The following PCDHGA2 variants were observed in gnomAD, a reference collection of about 807,000 sequenced individuals.
The protein encoded by PCDHGA2 is protocadherin gamma subfamily A, 2, also known as protocadherin gamma-A2.
A neutral mutation model predicts 59.2 loss-of-function variants in PCDHGA2; 40 were observed. The observed-to-expected ratio is 0.68, with a 90% CI of 0.52 to 0.88. The LOEUF (loss-of-function observed/expected upper bound fraction) is 0.88. PCDHGA2 is among the 40% of genes least tolerant of loss of function. The pLI, the probability that PCDHGA2 is intolerant of heterozygous loss-of-function variation, is 0.00. For synonymous variants in PCDHGA2, 560 were observed against 526.0 expected, an observed-to-expected ratio of 1.06 and a Z score of -0.89; for missense variants, 1,226 against 1,204.0, an observed-to-expected ratio of 1.02 and a Z score of -0.27.
intron 1 of PCDHGA2, chr5:141,341,717 A>T (rs952386254): frequency 4.3e-5 from 21 of 483,170 alleles, no homozygotes; most frequent in Non-Finnish European, 6.8e-5. Context: ...ATCCACCCAG[A>T]TCAACAATTT....
intron 1 of PCDHGA2, chr5:141,423,611 C>T: frequency 1.1e-5 from 18 of 1,611,094 alleles, no homozygotes; most frequent in Non-Finnish European, 1.5e-5. Flanking sequence ...CTCTTGATAG[C>T]TGAAGACTCA....
At position 141,341,323 on chromosome 5, in the gene PCDHGA2, C is replaced by T; in HGVS notation, c.2352C>T (p.Ser784=). 1.9e-6 allele frequency: 3 copies of T among 1,614,232 alleles called. No individual in the cohort carries two copies. Among genetic ancestry groups the T allele is most frequent in the Non-Finnish European group, 2.5e-6 (3 of 1,180,050 alleles). ...NYADTLISQE[S]CEKKDFLSAP... ...CGGACACGCTCATCAGCCAGGAGAG[C>T]TGTGAGAAAAAGGATTTTTTATCAG... Residue 784 remains serine, a synonymous_variant, in exon 1 of 4, where the codon AGC becomes AGT. Coordinates refer to ENST00000394576, the MANE Select transcript of PCDHGA2 (RefSeq NM_018915.4).
At chr5:141,385,328 G>A (rs767891948) in intron 1 of PCDHGA2, 13 of 1,588,314 alleles carry the variant, frequency 8.2e-6, no homozygotes, top group Middle Eastern at 1.7e-4. Flanking sequence ...ATTCAGGTGA[G>A]CCCAGCCCTT....
At chr5:141,355,112 A>C (rs1371168297) in intron 1 of PCDHGA2, 6 of 1,509,972 alleles carry the variant, frequency 4.0e-6, no homozygotes, top group Non-Finnish European at 4.4e-6. Context: ...CTGTGAATGC[A>C]CTTTATTTTG....
intron 1 of PCDHGA2, chr5:141,399,021 C>T (rs2093739749): frequency 1.2e-6 from 2 of 1,613,862 alleles, no homozygotes; most frequent in Non-Finnish European, 1.7e-6. Context: ...GAGAAATTAC[C>T]ACTCAAAAGA....
At chr5:141,479,003 C>A (rs2099485569) in intron 1 of PCDHGA2, among the ~76,000 whole-genome samples, 1 of 152,176 alleles carries the variant, frequency 6.6e-6, no homozygotes, top group African/African-American at 2.4e-5. Flanking sequence ...AAACTAATAG[C>A]TTTTTGATAA....
chr5:141,426,958 C>A (rs1176636556), intron 1 of PCDHGA2: 1 of 456,728 alleles, frequency 2.2e-6, no homozygotes, highest in South Asian at 1.5e-5. Context: ...GGCACTGCTG[C>A]AATTCAAATT....
intron 1 of PCDHGA2, chr5:141,400,116 C>G (rs2093964416): frequency 6.2e-7 from 1 of 1,614,086 alleles, no homozygotes; most frequent in African/African-American, 1.3e-5. Context: ...TTGCTGACAG[C>G]TTGCAGGAGG....
At position 141,491,466 on chromosome 5, in the gene PCDHGA2, T is replaced by C; in HGVS notation, c.2425-3341T>C. The C allele has an allele frequency of 6.2e-7, 1 of 1,614,068 alleles. No homozygotes were observed. The highest frequency in any genetic ancestry group is 8.5e-7 in the Non-Finnish European group (1 of 1,179,986). ...AGGACTCACCCTCCCCGGACTTCTA[T>C]AAGCAGTCCAGCCCCAACCTGCAGG... On this transcript the variant is annotated intron_variant, in intron 1 of 3. Transcript: ENST00000394576. The surrounding 1 kb of genome is among the most constrained non-coding windows in gnomAD (Gnocchi z 6.9).
At chr5:141,418,458 TG>T in intron 1 of PCDHGA2, 1 of 1,614,010 alleles carries the variant, frequency 6.2e-7, no homozygotes, top group Non-Finnish European at 8.5e-7. Flanking sequence ...CAGAAGACTC[TG>T]GACCGAGAAA....
At chr5:141,352,663 T>C in intron 1 of PCDHGA2, 1 of 1,589,980 alleles carries the variant, frequency 6.3e-7, no homozygotes, top group Non-Finnish European at 8.6e-7. Flanking sequence ...CTTCTTTGTC[T>C]TCGCACGTGA....
rs780007896 is a variant in PCDHGA2 at position 141,399,692 on chromosome 5, G to T, written c.2424+58297G>T. 1.2e-5 allele frequency: 19 copies of T among 1,613,318 alleles called. No individual in the cohort carries two copies. The South Asian group carries it at 2.1e-4, about 18-fold the overall frequency. ...CGCGCCTTTGACTACGAGCAGCTGC[G>T]CACCTTCGAACTCACACTACAGGCC... On this transcript the variant is annotated intron_variant, in intron 1 of 3. Coordinates refer to ENST00000394576, the MANE Select transcript of PCDHGA2 (RefSeq NM_018915.4).
chr5:141,350,752 G>C, intron 1 of PCDHGA2: 1 of 1,613,936 alleles, frequency 6.2e-7, no homozygotes, highest in Non-Finnish European at 8.5e-7. Flanking sequence ...GCAATTCACT[G>C]AAGTTATACA....
intron 1 of PCDHGA2, among the ~76,000 whole-genome samples, chr5:141,436,389 TTAAA>T (rs1385837876): frequency 6.6e-6 from 1 of 152,212 alleles, no homozygotes; most frequent in Non-Finnish European, 1.5e-5. Context: ...ATAGGCTTTA[TTAAA>T]TAGTTGTTGA....
intron 1 of PCDHGA2, chr5:141,478,171 G>A (rs141465380): frequency 7.3e-5 from 118 of 1,613,942 alleles, no homozygotes; most frequent in African/African-American, 1.5e-4. Flanking sequence ...CCCCCCGGGA[G>A]CAGAAAAAAA....
At chr5:141,380,354 T>G (rs1776410216) in intron 1 of PCDHGA2, among the ~76,000 whole-genome samples, 1 of 152,154 alleles carries the variant, frequency 6.6e-6, no homozygotes, top group Admixed American at 6.5e-5. Context: ...TTGTTGTTTG[T>G]TTTTTAGAAA....
At chr5:141,400,178 T>G in intron 1 of PCDHGA2, 1 of 1,614,074 alleles carries the variant, frequency 6.2e-7, no homozygotes, top group Non-Finnish European at 8.5e-7. Context: ...CAGGCTGAGC[T>G]GCAGTTTTAC....
chr5:141,393,443 G>T, intron 1 of PCDHGA2: 1 of 1,614,048 alleles, frequency 6.2e-7, no homozygotes, highest in Non-Finnish European at 8.5e-7. Context: ...CTCACCACCT[G>T]GTCCTCACGG....
At position 141,502,487 on chromosome 5, in the gene PCDHGA2, C is replaced by T. The variant is rs563658817; in HGVS notation, c.2484-2906C>T. ...TACTTCCCGCAGCATCACACTGGGACTCATCTAACGTCGGCCTGTCCCACT... is the reference window on the plus strand; with the variant it reads ...TACTTCCCGCAGCATCACACTGGGATTCATCTAACGTCGGCCTGTCCCACT... On this transcript the variant is annotated intron_variant, in intron 2 of 3. Coordinates refer to ENST00000394576, the MANE Select transcript of PCDHGA2 (RefSeq NM_018915.4). Among the ~76,000 whole-genome samples, 92 of 152,298 alleles carry T rather than the reference C, an allele frequency of 6.0e-4. 3 individuals are homozygous for T. The highest frequency in any genetic ancestry group is 1.5e-4 in the Non-Finnish European group (10 of 68,030).
Sources: allele counts gnomAD v4.1 joint callset (sites outside exome capture counted in the v4.1 genomes callset), GRCh38; gene constraint gnomAD v4.1.1; non-coding constraint Gnocchi (gnomAD v3.1); transcripts MANE v1.5; gene names NCBI Gene and HGNC (gene_info 2026-07-23, HGNC 2026-07-21).